Variants in NUP160 observed in about 807,000 individuals in gnomAD.
The protein encoded by NUP160 is nucleoporin 160.
NUP160 carries 94 observed loss-of-function variants against 196.9 expected under a neutral mutation model. The ratio of observed to expected loss-of-function variants is 0.48; its 90% CI spans 0.40 to 0.57. The LOEUF is 0.57. Ranked by LOEUF, NUP160 falls within the 20% of genes least tolerant of loss-of-function variation. The pLI is 0.00. For synonymous variants in NUP160, 605 were observed against 619.7 expected, an observed-to-expected ratio of 0.98 and a Z score of 0.35; for missense variants, 1,638 against 1,748.3, an observed-to-expected ratio of 0.94 and a Z score of 1.13.
intron 9 of NUP160, chr11:47,821,411 G>GC (rs1286536330): frequency 5.2e-6 from 1 of 193,394 alleles, no homozygotes; most frequent in Non-Finnish European, 1.0e-5. Context: ...AGGCTGGAGT[G>GC]CAGTGGAGCA....
At chr11:47,796,415 G>A in intron 27 of NUP160, 1 of 342,710 alleles carries the variant, frequency 2.9e-6, no homozygotes, top group Non-Finnish European at 5.3e-6. Context: ...TTAAATAACT[G>A]ATGACATTAA....
intron 7 of NUP160, 66 bp downstream of exon 7, chr11:47,835,585 T>C: frequency 7.4e-7 from 1 of 1,347,822 alleles, no homozygotes; most frequent in Non-Finnish European, 1.0e-6. Flanking sequence ...ACTCACTGAG[T>C]CTACAGCCAT....
At position 47,847,933 on chromosome 11, in the gene NUP160, C is replaced by T. The variant is rs138919035; in HGVS notation, c.229G>A (p.Val77Ile). 9.0e-5 allele frequency: 146 copies of T among 1,613,952 alleles called. No homozygotes were observed. The highest frequency in any genetic ancestry group is 1.1e-4 in the Non-Finnish European group (134 of 1,179,962). Residue 77 changes from valine (V) to isoleucine (I), a missense_variant, in exon 2 of 36, where the codon GTA becomes ATA. Coordinates refer to ENST00000378460, the Ensembl canonical transcript of NUP160. ...CCTCCCGCGCTTTCACTGTATTTTA[C>T]GGCGCCAGCCACGGCATTTGCAGTC...
chr11:47,821,885 T>G, intron 8 of NUP160, 64 bp from the exon 9 acceptor site: 1 of 1,306,058 alleles, frequency 7.7e-7, no homozygotes, highest in Non-Finnish European at 1.1e-6. Context: ...CACGGTGACT[T>G]ACTTTTTCAT....
At chr11:47,780,623 G>A (rs941905392) in intron 34 of NUP160, among the ~76,000 whole-genome samples, 176 bp from the exon 35 acceptor site, 1 of 146,312 alleles carries the variant, frequency 6.8e-6, no homozygotes, top group African/African-American at 2.6e-5. Flanking sequence ...TGCAACCTCC[G>A]CCTCCTGGGC....
chr11:47,782,214 G>A (rs1310580303), intron 34 of NUP160, among the ~76,000 whole-genome samples: 2 of 150,008 alleles, frequency 1.3e-5, no homozygotes, highest in African/African-American at 4.9e-5. Context: ...AACCCGGGAG[G>A]CGGAGGCTGC....
At position 47,791,918 on chromosome 11, in the gene NUP160, C is replaced by G. The variant is rs1034403388; in HGVS notation, c.3511+12G>C. ...TGTCTAGCAAAGAACCAGTGTGAGA[C>G]TCCTGACTCACTGGGGGCAGCTGTG... On this transcript the variant is annotated intron_variant, in intron 29 of 35. Transcript: ENST00000378460. 1 of 1,593,796 alleles carries G rather than the reference C, an allele frequency of 6.3e-7. No individual in the cohort carries two copies. The highest frequency in any genetic ancestry group is 1.7e-5 in the Admixed American group (1 of 59,212).
chr11:47,798,295 G>C (rs2097672041), intron 24 of NUP160, 33 bp from the exon 25 acceptor site: 8 of 1,556,696 alleles, frequency 5.1e-6, no homozygotes, highest in African/African-American at 2.7e-5. Context: ...ATATCAAAAA[G>C]AGCAATAGAA....
Position 47,780,406 on chromosome 11 carries a change from G to A in NUP160, c.4158C>T (p.Tyr1386=), listed in dbSNP as rs149674516. The A allele has an allele frequency of 3.1e-4, 497 of 1,613,802 alleles. 4 individuals are homozygous for A. The African/African-American group carries it at 5.8e-3, about 19-fold the overall frequency. ...CTTGGAGAAGCTGATCAATAGAGGA[G>A]TATGGAAGCCACACCATTGGGGCTG... Residue 1386 remains tyrosine (Y), a synonymous_variant, in exon 35 of 36, where the codon TAC becomes TAT. Transcript: ENST00000378460.
chr11:47,795,099 A>G (rs1168310433), intron 27 of NUP160, among the ~76,000 whole-genome samples: 1 of 151,198 alleles, frequency 6.6e-6, no homozygotes, highest in Non-Finnish European at 1.5e-5. Context: ...GACTGTCTCA[A>G]AAAAAAAAGA....
intron 4 of NUP160, chr11:47,839,511 A>G (rs530191025): frequency 1.9e-5 from 5 of 269,204 alleles, no homozygotes; most frequent in African/African-American, 8.8e-5. Flanking sequence ...AACTTGGTGC[A>G]GGGTATTTAA....
chr11:47,823,509 G>A (rs1851904910), intron 7 of NUP160, among the ~76,000 whole-genome samples: 1 of 152,048 alleles, frequency 6.6e-6, no homozygotes, highest in Non-Finnish European at 1.5e-5. Context: ...GCTCGCCCAT[G>A]TAGTAGCATG....
exon 2 of NUP160, chr11:47,847,856 G>A: frequency 6.2e-7 from 1 of 1,610,800 alleles, no homozygotes; most frequent in Non-Finnish European, 8.5e-7. Flanking sequence ...ACCAATGAAT[G>A]AACCTGTTTC....
At chr11:47,804,944 C>A (rs2097676568) in intron 20 of NUP160, among the ~76,000 whole-genome samples, 2 of 152,172 alleles carry the variant, frequency 1.3e-5, no homozygotes, top group Non-Finnish European at 2.9e-5. Context: ...CAAGACCAGC[C>A]TGGGCAACAC....
chr11:47,829,741 A>T (rs559601114), intron 7 of NUP160, among the ~76,000 whole-genome samples: 1 of 152,244 alleles, frequency 6.6e-6, no homozygotes, highest in Non-Finnish European at 1.5e-5. Flanking sequence ...AGACTTAAAC[A>T]TAACACGCAA....
rs140847465 is a variant in NUP160 at position 47,839,572 on chromosome 11, G to C, written c.748+271C>G. On this transcript the variant is annotated intron_variant, in intron 4 of 35. Transcript: ENST00000378460. ...ATAATGTTATAATGCCTCCATCTCA[G>C]GGCAGACAATTAGGCAACCCATCTC... 6.6e-4 allele frequency: 293 copies of C among 441,462 alleles called. 3 individuals carry two copies. In the East Asian group the frequency reaches 0.01, roughly 16 times the overall value. 27.3% of individuals were successfully genotyped at this position (441,462 alleles called of 1,614,324 possible). A position where few individuals can be genotyped will look rare whatever the true frequency, so the allele number is the denominator to read the frequency against.
chr11:47,807,075 C>T (rs2097678162), exon 19 of NUP160: 1 of 1,604,070 alleles, frequency 6.2e-7, no homozygotes, highest in Admixed American at 1.7e-5. Context: ...CTTACCAAAC[C>T]TATTTGCCAT....
At chr11:47,838,724 G>A (rs1025331343) in intron 4 of NUP160, among the ~76,000 whole-genome samples, 1 of 151,738 alleles carries the variant, frequency 6.6e-6, no homozygotes, top group Admixed American at 6.6e-5. Context: ...AAGAAAGAAA[G>A]GCCAGGTGCG....
At chr11:47,816,663 C>G (rs2097684642) in intron 11 of NUP160, among the ~76,000 whole-genome samples, 1 of 151,998 alleles carries the variant, frequency 6.6e-6, no homozygotes, top group African/African-American at 2.4e-5. Flanking sequence ...GTAGTCCCAG[C>G]TACTTGGGAG....
Sources: gnomAD v4.1 joint callset for allele counts (sites outside exome capture counted in the v4.1 genomes callset) on GRCh38, gnomAD v4.1.1 for gene constraint, MANE v1.5 for transcripts, NCBI Gene and HGNC (gene_info 2026-07-23, HGNC 2026-07-21) for gene names.